NAV3: variants seen among roughly 807,000 people sequenced by gnomAD.
NAV3 encodes pore membrane and/or filament interacting like protein 1.
NAV3 carries 87 observed loss-of-function variants against 244.7 expected under a neutral mutation model. That is an observed-to-expected ratio of 0.36 (90% CI 0.30 to 0.42). The LOEUF (loss-of-function observed/expected upper bound fraction) is 0.42, where lower values mean the gene tolerates loss of function less well. Among genes scored for constraint, NAV3 ranks in the 20% least tolerant of loss-of-function variants. The pLI, the probability that NAV3 is intolerant of heterozygous loss-of-function variation, is 1.00. For missense variants in NAV3, 2,663 were observed against 2,893.3 expected, an observed-to-expected ratio of 0.92 and a Z score of 1.83; for synonymous variants, 1,126 against 1,042.2, an observed-to-expected ratio of 1.08 and a Z score of -1.55.
At chr12:77,966,629 G>T (rs1892542073) in intron 4 of NAV3, among the ~76,000 whole-genome samples, 1 of 151,866 alleles carries the variant, frequency 6.6e-6, no homozygotes, top group South Asian at 2.1e-4. Flanking sequence ...GATAAATGTT[G>T]GATGGACATA....
rs74106532 is a variant in NAV3, at chr12:77,754,667, T to A, written c.72+182401T>A. Reference sequence around the variant, plus strand: ...TAAAGCAGAAAGAATGGCAGCCCCATTGACTAGTATTAGTGAAACTTTGTG... The same window carrying A: ...TAAAGCAGAAAGAATGGCAGCCCCAATGACTAGTATTAGTGAAACTTTGTG... On this transcript the variant is annotated intron_variant, in intron 2 of 8. Transcript: ENST00000550042. 5.3e-3 allele frequency among the ~76,000 whole-genome samples: 808 copies of A among 152,300 alleles called. 11 individuals are homozygous for A. Among genetic ancestry groups the A allele is most frequent in the African/African-American group, 0.017 (710 of 41,578 alleles).
chr12:77,605,003 A>G (rs1249366748), intron 2 of NAV3, among the ~76,000 whole-genome samples: 1 of 152,126 alleles, frequency 6.6e-6, no homozygotes, highest in African/African-American at 2.4e-5. Context: ...TATTTAAATC[A>G]AGCTTAAATT....
chr12:77,867,675 C>T (rs35290937), intron 1 of NAV3, among the ~76,000 whole-genome samples: 22,645 of 152,182 alleles, frequency 0.15, 1,929 homozygotes, highest in Middle Eastern at 0.25. Context: ...CAGCCTCGGC[C>T]TCCCAAAGTG....
In NAV3 at chr12:77,831,169, C is replaced by CAGAGAGAGAGAG. The variant is rs71088341; in HGVS notation, c.-279_-268dup. 1 of 141,154 alleles carries CAGAGAGAGAGAG rather than the reference C, an allele frequency of 7.1e-6. No homozygotes were observed. The highest frequency in any genetic ancestry group is 4.4e-5 in the African/African-American group (1 of 22,666). The allele number at this position is 141,154 out of a possible 1,614,324, so 8.7% of individuals were successfully genotyped here. ...CACTGAACAGAGAGAGAGAGAGAGACAGAGAGAGAGAGAGAGAGAGAGAGA... is the reference window on the plus strand; with the variant it reads ...CACTGAACAGAGAGAGAGAGAGAGACAGAGAGAGAGAGAGAGAGAGAGAGAGAGAGAGAGAGA... On this transcript the variant is annotated 5_prime_UTR_variant, in exon 1 of 40. Transcript: ENST00000397909.
At chr12:77,870,191 C>G (rs2136442644) in intron 1 of NAV3, among the ~76,000 whole-genome samples, 1 of 151,786 alleles carries the variant, frequency 6.6e-6, no homozygotes, top group East Asian at 1.9e-4. Flanking sequence ...ATGGTGAAAC[C>G]CCGTCTCAAC....
At chr12:77,661,679 T>C (rs1467588882) in intron 2 of NAV3, among the ~76,000 whole-genome samples, 1 of 152,112 alleles carries the variant, frequency 6.6e-6, no homozygotes, top group African/African-American at 2.4e-5. Flanking sequence ...ATCTTAGCTT[T>C]TACCTTTAGA....
chr12:77,874,634 T>C (rs1470570803), intron 1 of NAV3, among the ~76,000 whole-genome samples: 2 of 152,260 alleles, frequency 1.3e-5, no homozygotes, highest in East Asian at 3.9e-4. Flanking sequence ...CTAATTTCAC[T>C]CTATATTGTC....
chr12:77,743,799 A>C (rs1216735831), intron 2 of NAV3, among the ~76,000 whole-genome samples: 1 of 151,784 alleles, frequency 6.6e-6, no homozygotes, highest in East Asian at 1.9e-4. Flanking sequence ...AATAAAAGTT[A>C]AAATAATGAC....
At chr12:77,579,825 C>T (rs1359593408) in intron 2 of NAV3, among the ~76,000 whole-genome samples, 1 of 152,176 alleles carries the variant, frequency 6.6e-6, no homozygotes, top group Non-Finnish European at 1.5e-5. Context: ...TACAATAAGA[C>T]CACTTGATTT....
chr12:78,064,910 G>A (rs780187633), intron 12 of NAV3, among the ~76,000 whole-genome samples: 42 of 152,026 alleles, frequency 2.8e-4, no homozygotes, highest in Non-Finnish European at 4.1e-4. Flanking sequence ...ATTTGATTTT[G>A]TTTTTCAAGT....
intron 2 of NAV3, among the ~76,000 whole-genome samples, chr12:77,690,850 A>G (rs977123579): frequency 2.3e-3 from 37 of 15,800 alleles, no homozygotes; most frequent in African/African-American, 1.0e-2. Flanking sequence ...CTAATATAAA[A>G]AGGAGCACTT....
At chr12:77,606,046 C>G (rs1870655753) in intron 2 of NAV3, among the ~76,000 whole-genome samples, 1 of 152,076 alleles carries the variant, frequency 6.6e-6, no homozygotes, top group African/African-American at 2.4e-5. Flanking sequence ...TTTTTCCCTC[C>G]CAGAATTTGT....
intron 1 of NAV3, among the ~76,000 whole-genome samples, chr12:77,924,919 C>T (rs1485502668): frequency 3.3e-5 from 5 of 151,580 alleles, no homozygotes; most frequent in South Asian, 2.1e-4. Flanking sequence ...AATAATCCTA[C>T]GAGATAGGCA....
At chr12:77,847,417 C>T (rs1395448816) in intron 1 of NAV3, among the ~76,000 whole-genome samples, 1 of 152,114 alleles carries the variant, frequency 6.6e-6, no homozygotes, top group Admixed American at 6.6e-5. Context: ...TGAATTCCCT[C>T]AGGCACTAAA....
At chr12:78,156,008 A>G (rs1565733873) in intron 22 of NAV3, among the ~76,000 whole-genome samples, 2 of 152,050 alleles carry the variant, frequency 1.3e-5, no homozygotes, top group Admixed American at 1.3e-4. Context: ...ATTAGATCCT[A>G]TTTGTCAACT....
At chr12:77,879,704 A>AAT (rs1221814906) in intron 1 of NAV3, among the ~76,000 whole-genome samples, 1 of 141,206 alleles carries the variant, frequency 7.1e-6, no homozygotes, top group Non-Finnish European at 1.5e-5. Flanking sequence ...AAAAAAAAAA[A>AAT]AAAAGGAAAT....
At chr12:78,027,215 T>C (rs1878203683) in intron 9 of NAV3, among the ~76,000 whole-genome samples, 1 of 151,810 alleles carries the variant, frequency 6.6e-6, no homozygotes, top group Non-Finnish European at 1.5e-5. Flanking sequence ...GCAGGACGAC[T>C]GCCTGAAGCC....
At chr12:78,108,193 G>A (rs1954906119) in intron 12 of NAV3, among the ~76,000 whole-genome samples, 1 of 151,990 alleles carries the variant, frequency 6.6e-6, no homozygotes, top group Admixed American at 6.6e-5. Context: ...AAGTCAAAAA[G>A]AGTAAAATAA....
At chr12:77,611,421 C>G (rs536724269) in intron 2 of NAV3, among the ~76,000 whole-genome samples, 15 of 151,982 alleles carry the variant, frequency 9.9e-5, no homozygotes, top group Middle Eastern at 3.4e-3. Context: ...AATATTGATA[C>G]ATTAAATGTA....
Sources: gnomAD v4.1 joint callset for allele counts (sites outside exome capture counted in the v4.1 genomes callset) on GRCh38, gnomAD v4.1.1 for gene constraint, MANE v1.5 for transcripts, NCBI Gene and HGNC (gene_info 2026-07-23, HGNC 2026-07-21) for gene names.